The following NXNL2 variants were observed in gnomAD, a reference collection of about 807,000 sequenced individuals.
The protein encoded by NXNL2 is nucleoredoxin like 2.
Under a neutral mutation model 11.1 loss-of-function variants are expected in NXNL2, and 7 were observed. The ratio of observed to expected loss-of-function variants is 0.63; its 90% confidence interval spans 0.36 to 1.18. NXNL2 has a LOEUF of 1.18. Among genes scored for constraint, NXNL2 ranks in the 50% most tolerant of loss-of-function variants. The pLI is 0.02. For missense variants in NXNL2, 233 were observed against 217.7 expected (o/e 1.07, Z -0.44); for synonymous variants, 109 against 101.8 (o/e 1.07, Z -0.42).
At chr9:88,544,137 C>T (rs1419107042) in intron 1 of NXNL2, among the ~76,000 whole-genome samples, 1 of 152,146 alleles carries the variant, frequency 6.6e-6, no homozygotes, top group Non-Finnish European at 1.5e-5. Context: ...CGCCATTGCA[C>T]TCTAGCCTGG....
intron 1 of NXNL2, among the ~76,000 whole-genome samples, chr9:88,536,654 A>G (rs553587914): frequency 3.3e-5 from 5 of 152,342 alleles, no homozygotes; most frequent in African/African-American, 1.2e-4. Flanking sequence ...GATTATCATG[A>G]GATGACATTC....
chr9:88,535,779 TCCC>T lies in NXNL2; in HGVS notation c.302+46_302+48del, dbSNP rs767105786. The T allele has an allele frequency of 4.2e-5, 61 of 1,457,598 alleles. No homozygotes were observed. In the Middle Eastern group the frequency reaches 7.6e-4, roughly 18 times the overall value. 90.3% of individuals were successfully genotyped at this position (1,457,598 alleles called of 1,614,324 possible). On this transcript the variant is annotated intron_variant, in intron 1 of 1. Transcript: ENST00000375854. ...GGGGGCGGGGGCCGCCCGGCACGTC[TCCC>T]CCATGTTCCCCCAGGCCTCCCCCTC...
chr9:88,573,786 G>A (rs1292300086), intron 2 of NXNL2, among the ~76,000 whole-genome samples: 3 of 152,202 alleles, frequency 2.0e-5, no homozygotes, highest in Non-Finnish European at 2.9e-5. Flanking sequence ...GTTATGTTAT[G>A]AGCATTTTGC....
chr9:88,546,218 C>T (rs1829844144), downstream of NXNL2, among the ~76,000 whole-genome samples: 2 of 150,700 alleles, frequency 1.3e-5, no homozygotes, highest in Non-Finnish European at 2.9e-5. Context: ...GAGAAACGGC[C>T]CTCCTGGTAA....
At chr9:88,547,785 G>A (rs1829864999), downstream of NXNL2, among the ~76,000 whole-genome samples, 1 of 152,166 alleles carries the variant, frequency 6.6e-6, no homozygotes, top group Non-Finnish European at 1.5e-5. Flanking sequence ...CGGAGGCCGA[G>A]GTGGGTGGAT....
At chr9:88,558,973 A>T (rs1219667988) in intron 1 of NXNL2, among the ~76,000 whole-genome samples, 3 of 152,002 alleles carry the variant, frequency 2.0e-5, no homozygotes, top group Admixed American at 6.6e-5. Flanking sequence ...CTTTCCCCTT[A>T]TGGCACCCAG....
chr9:88,551,509 C>T (rs1487176086), intron 1 of NXNL2, among the ~76,000 whole-genome samples: 1 of 152,066 alleles, frequency 6.6e-6, no homozygotes, highest in Non-Finnish European at 1.5e-5. Context: ...CCTCCTTTCC[C>T]TTCCTATCTC....
At chr9:88,572,510 G>T (rs1252953715) in intron 2 of NXNL2, among the ~76,000 whole-genome samples, 2 of 152,188 alleles carry the variant, frequency 1.3e-5, no homozygotes, top group African/African-American at 4.8e-5. Flanking sequence ...CACATGTGAC[G>T]AATGACGGGC....
intron 2 of NXNL2, among the ~76,000 whole-genome samples, chr9:88,572,381 C>T (rs189043876): frequency 3.3e-5 from 5 of 152,212 alleles, no homozygotes; most frequent in East Asian, 1.9e-4. Context: ...TAGTAGGAAA[C>T]GGGCCTGAAA....
intron 1 of NXNL2, among the ~76,000 whole-genome samples, chr9:88,540,264 G>A (rs1415129944): frequency 6.6e-6 from 1 of 151,726 alleles, no homozygotes; most frequent in Non-Finnish European, 1.5e-5. Context: ...CCTGGGAGGC[G>A]GAGGTTGCAG....
chr9:88,542,975 C>G (rs372043155), intron 1 of NXNL2, among the ~76,000 whole-genome samples: 24 of 152,252 alleles, frequency 1.6e-4, no homozygotes, highest in African/African-American at 5.8e-4. Context: ...CCCTGGTGAC[C>G]TGGCCATGGT....
chr9:88,566,991 T>TCTATCTATCTATCTATCTAC lies in NXNL2; in HGVS notation c.303-4077_303-4076insCCTATCTATCTATCTATCTA, dbSNP rs1554706798. On this transcript the variant is annotated intron_variant, in intron 1 of 2. Transcript: ENST00000375855. ...TATCTATCATCTATCTATCTATCTA[T>TCTATCTATCTATCTATCTAC]CTATCTATCTATCTATCTATCTATC... Among the ~76,000 whole-genome samples the TCTATCTATCTATCTATCTAC allele has an allele frequency of 9.5e-4, 143 of 150,564 alleles. 1 individual carries two copies. In the South Asian group the frequency reaches 0.011, roughly 11 times the overall value.
chr9:88,572,166 G>T (rs1193931459), intron 2 of NXNL2, among the ~76,000 whole-genome samples: 10 of 152,100 alleles, frequency 6.6e-5, no homozygotes, highest in Non-Finnish European at 4.4e-5. Flanking sequence ...AATAGCACTA[G>T]AACCTTTAAC....
intron 1 of NXNL2, among the ~76,000 whole-genome samples, chr9:88,561,184 A>T (rs536660045): frequency 6.6e-6 from 1 of 152,174 alleles, no homozygotes; most frequent in South Asian, 2.1e-4. Context: ...GCCAGTGAAT[A>T]TAAAGCAGGC....
intron 1 of NXNL2, among the ~76,000 whole-genome samples, chr9:88,568,518 C>A (rs1830211755): frequency 6.6e-6 from 1 of 152,238 alleles, no homozygotes; most frequent in Non-Finnish European, 1.5e-5. Flanking sequence ...AGGGCCACAA[C>A]CTCAAACTCT....
At chr9:88,562,233 G>C (rs1830093731) in intron 1 of NXNL2, among the ~76,000 whole-genome samples, 1 of 152,092 alleles carries the variant, frequency 6.6e-6, no homozygotes, top group Admixed American at 6.5e-5. Context: ...AGAGAAAATT[G>C]ATCTGTGTTT....
At chr9:88,556,837 G>A (rs190669142) in intron 1 of NXNL2, among the ~76,000 whole-genome samples, 14 of 152,174 alleles carry the variant, frequency 9.2e-5, no homozygotes, top group East Asian at 5.8e-4. Flanking sequence ...CAGCACTTTG[G>A]AAGGCCAAGG....
At chr9:88,565,315 G>T (rs1221125188) in intron 1 of NXNL2, among the ~76,000 whole-genome samples, 1 of 152,118 alleles carries the variant, frequency 6.6e-6, no homozygotes, top group Non-Finnish European at 1.5e-5. Flanking sequence ...ATGCTGCAGG[G>T]GACATGGGAC....
chr9:88,535,744 G>A lies in NXNL2; in HGVS notation c.302+8G>A, dbSNP rs748431670. 1.8e-5 allele frequency: 27 copies of A among 1,541,306 alleles called. No individual in the cohort carries two copies. Among genetic ancestry groups the A allele is most frequent in the Non-Finnish European group, 2.2e-5 (25 of 1,154,434 alleles). On this transcript the variant is annotated splice_region_variant and intron_variant, in intron 1 of 1. Coordinates refer to ENST00000375854, the MANE Select transcript of NXNL2 (RefSeq NM_001161625.2). ...CCACGACCCCTACCGGCAGTGAGTG[G>A]GGGTCCTGGGGGGGCGGGGGCCGCC...
Sources: allele counts gnomAD v4.1 joint callset (sites outside exome capture counted in the v4.1 genomes callset), GRCh38; gene constraint gnomAD v4.1.1; transcripts MANE v1.5; gene names NCBI Gene and HGNC (gene_info 2026-07-23, HGNC 2026-07-21).